MYBPH: variants seen among roughly 807,000 people sequenced by gnomAD.
The protein encoded by MYBPH is myosin binding protein H, also known as myosin-binding protein H.
Under a neutral mutation model 53.6 loss-of-function variants are expected in MYBPH, and 49 were observed. The observed-to-expected ratio is 0.91, with a 90% CI of 0.73 to 1.16. MYBPH has a LOEUF of 1.16. MYBPH is among the 50% of genes most tolerant of loss of function. The pLI is 0.00. For missense variants in MYBPH, 558 were observed against 624.1 expected (o/e 0.89, Z 1.13); for synonymous variants, 239 against 249.6 (o/e 0.96, Z 0.40).
chr1:203,170,857 G>A (rs1004782664), intron 6 of MYBPH, among the ~76,000 whole-genome samples: 16 of 152,184 alleles, frequency 1.1e-4, no homozygotes, highest in African/African-American at 2.7e-4. Flanking sequence ...CAGACAGCCC[G>A]GGCCAGCCCT....
In MYBPH at chr1:203,171,034, A is replaced by C; in HGVS notation, c.933+27T>G. 1 of 1,556,896 alleles carries C rather than the reference A, an allele frequency of 6.4e-7. No homozygotes were observed. Among genetic ancestry groups the C allele is most frequent in the Non-Finnish European group, 8.7e-7 (1 of 1,153,196 alleles). On this transcript the variant is annotated intron_variant, in intron 6 of 10. Coordinates refer to ENST00000255416, the MANE Select transcript of MYBPH (RefSeq NM_004997.3). The surrounding 1 kb of genome is among the most constrained non-coding windows in gnomAD (Gnocchi z 4.2). Reference sequence around the variant, plus strand: ...ACCACCTTGACCACTTCGTACCCCGACCCCACTTTGCCTCAGCCAGCCTCA... The same window carrying C: ...ACCACCTTGACCACTTCGTACCCCGCCCCCACTTTGCCTCAGCCAGCCTCA...
At position 203,168,992 on chromosome 1, in the gene MYBPH, G is replaced by T; in HGVS notation, c.1331C>A (p.Pro444His). The T allele has an allele frequency of 6.2e-7, 1 of 1,613,956 alleles. No individual in the cohort carries two copies. The highest frequency in any genetic ancestry group is 8.5e-7 in the Non-Finnish European group (1 of 1,180,020). Reference sequence around the variant, plus strand: ...GTAGACCCCAGAATCAAAGGGGCTGGGTTTCCGGATCTCTAGGGTGCAGAC... The same window carrying T: ...GTAGACCCCAGAATCAAAGGGGCTGTGTTTCCGGATCTCTAGGGTGCAGAC... ...QGVCTLEIRK[P>H]SPFDSGVYTC... The change falls in exon 9 of 11, where the codon CCC (proline) becomes CAC (histidine). Residue 444 changes from proline (P) to histidine (H), a missense_variant. Coordinates refer to ENST00000255416, the MANE Select transcript of MYBPH (RefSeq NM_004997.3).
intron 3 of MYBPH, among the ~76,000 whole-genome samples, chr1:203,173,847 T>A (rs556396841): frequency 6.6e-6 from 1 of 152,172 alleles, no homozygotes; most frequent in African/African-American, 2.4e-5. Context: ...GAGGGGAGGA[T>A]TGAGGCTAAT....
Position 203,171,554 on chromosome 1 carries a change from A to G in MYBPH, c.622T>C (p.Trp208Arg). Residue 208 changes from tryptophan (W) to arginine (R), a missense_variant, in exon 5 of 11, where the codon TGG (tryptophan) becomes CGG (arginine). Coordinates refer to ENST00000255416, the MANE Select transcript of MYBPH (RefSeq NM_004997.3). This position sits in a 1 kb window ranked among gnomAD's most constrained non-coding sequence, Gnocchi z 4.2. ...FQGKPKPQAT[W>R]THNGHALDSQ... ...TCCAGGGCATGGCCGTTGTGGGTCCATGTGGCCTGAGGCTTAGGCTTCCCC... is the reference window on the plus strand; with the variant it reads ...TCCAGGGCATGGCCGTTGTGGGTCCGTGTGGCCTGAGGCTTAGGCTTCCCC... The G allele has an allele frequency of 6.2e-7, 1 of 1,612,984 alleles. No individual in the cohort carries two copies.
rs1348370024 is a variant in MYBPH at position 203,171,437 on chromosome 1, T to C, written c.739A>G (p.Thr247Ala). The C allele has an allele frequency of 6.2e-7, 1 of 1,613,792 alleles. No individual in the cohort carries two copies. The highest frequency in any genetic ancestry group is 1.1e-5 in the South Asian group (1 of 91,084). Reference sequence around the variant, plus strand: ...GCCTCCAGGTCTTCCACGCGCACAGTGAGCTCGTAGCGGCCAGAGTCGGAG... The same window carrying C: ...GCCTCCAGGTCTTCCACGCGCACAGCGAGCTCGTAGCGGCCAGAGTCGGAG... ...QRSDSGRYEL[T>A]VRVEDLEAKA... Residue 247 changes from threonine (T) to alanine (A), a missense_variant, in exon 5 of 11, where the codon ACT becomes GCT. Thr to Ala is a moderately conservative substitution (Grantham distance 58, BLOSUM62 0). Transcript: ENST00000255416. This position sits in a 1 kb window ranked among gnomAD's most constrained non-coding sequence, Gnocchi z 4.2.
At chr1:203,172,130 TGCTGGCTGGGAGGAGGGTCCTGGGTGTG>T in intron 3 of MYBPH, 90 bp from the exon 4 acceptor site, 1 of 796,578 alleles carries the variant, frequency 1.3e-6, no homozygotes, top group Non-Finnish European at 1.7e-6. Context: ...TGGTGAGGGA[TGCTGGCTGGGAGGAGGGTCCTGGGTGTG>T]CCTGGCTGCC....
chr1:203,176,330 A>G (rs1362652501), upstream of MYBPH, among the ~76,000 whole-genome samples: 2 of 152,074 alleles, frequency 1.3e-5, no homozygotes, highest in Non-Finnish European at 2.9e-5. Flanking sequence ...TATGAGGCTG[A>G]GGGCCCTAGA....
intron 2 of MYBPH, 36 bp from the exon 3 acceptor site, chr1:203,174,633 G>A (rs1185249144): frequency 4.0e-6 from 6 of 1,515,660 alleles, no homozygotes; most frequent in Non-Finnish European, 5.4e-6. Context: ...TCTTTGCAAT[G>A]TGGCCACAGG....
At chr1:203,173,961 A>G (rs1655750607) in intron 3 of MYBPH, among the ~76,000 whole-genome samples, 1 of 152,232 alleles carries the variant, frequency 6.6e-6, no homozygotes, top group Non-Finnish European at 1.5e-5. Context: ...GGCCTTTTGC[A>G]GACCTTCTTT....
At position 203,175,719 on chromosome 1, in the gene MYBPH, T is replaced by C; in HGVS notation, c.37A>G (p.Ser13Gly). Residue 13 changes from serine to glycine, a missense_variant, in exon 1 of 11, where the codon AGT (serine) becomes GGT (glycine). By Grantham distance (56) the Ser-to-Gly change is moderately conservative. Transcript: ENST00000255416. ...EKNTSEGPAC[S>G]PEETASESAK... ...GATTCAGATGCGGTCTCCTCTGGACTGCAGGCAGGGCCCTCGGAGGTGTTT... is the reference window on the plus strand; with the variant it reads ...GATTCAGATGCGGTCTCCTCTGGACCGCAGGCAGGGCCCTCGGAGGTGTTT... The C allele has an allele frequency of 6.2e-7, 1 of 1,614,052 alleles. No individual in the cohort carries two copies. Among genetic ancestry groups the C allele is most frequent in the Non-Finnish European group, 8.5e-7 (1 of 1,179,990 alleles).
At chr1:203,179,169 T>C (rs567550831), upstream of MYBPH, 143 of 294,324 alleles carry the variant, frequency 4.9e-4, no homozygotes, top group African/African-American at 3.0e-3. Context: ...CTTGCCAGGC[T>C]TGGGGATCTG....
At position 203,174,365 on chromosome 1, in the gene MYBPH, C is replaced by G; in HGVS notation, c.508+65G>C. Reference sequence around the variant, plus strand: ...CCTGGTTCCCTCTACCTGCTGGCCTCAGTTTCTCCATTAGATAAGGTGTTT... The same window carrying G: ...CCTGGTTCCCTCTACCTGCTGGCCTGAGTTTCTCCATTAGATAAGGTGTTT... On this transcript the variant is annotated intron_variant, in intron 3 of 10. Transcript: ENST00000255416. 2.7e-6 allele frequency: 4 copies of G among 1,496,694 alleles called. No individual in the cohort carries two copies. The South Asian group carries it at 5.4e-5, about 20-fold the overall frequency. 92.7% of individuals were successfully genotyped at this position (1,496,694 alleles called of 1,614,324 possible). A position where few individuals can be genotyped will look rare whatever the true frequency, so the allele number is the denominator to read the frequency against.
In MYBPH at chr1:203,173,339, A is replaced by G. The variant is rs1364047348; in HGVS notation, c.508+1091T>C. On this transcript the variant is annotated intron_variant, in intron 3 of 10. Coordinates refer to ENST00000255416, the MANE Select transcript of MYBPH (RefSeq NM_004997.3). ...TGCCTGGTGGGGCCACATCTCACCT[A>G]GAGCCAAAGGCTGGGAATTAGGGTT... Among the ~76,000 whole-genome samples, 7 of 152,318 alleles carry G rather than the reference A, an allele frequency of 4.6e-5. 1 individual carries two copies. Among genetic ancestry groups the G allele is most frequent in the African/African-American group, 1.7e-4 (7 of 41,574 alleles).
In MYBPH at chr1:203,168,623, T is replaced by C. The variant is rs1655629964; in HGVS notation, c.*32+4A>G. On this transcript the variant is annotated splice_donor_region_variant and intron_variant, in intron 10 of 10. Transcript: ENST00000255416. The stretch of plus-strand genomic sequence containing the variant: ...TAACAGAGTGGGTGGGTCAGGCCAT[T>C]TACCTGGCTCCTCATCACAGCCTCC... 1 of 1,548,592 alleles carries C rather than the reference T, an allele frequency of 6.5e-7. No homozygotes were observed.
In MYBPH at chr1:203,175,406, C is replaced by A. The variant is rs200640888; in HGVS notation, c.261G>T (p.Val87=). Reference sequence around the variant, plus strand: ...TCTCTGGGGGCTCCCAGCTCACAGTCACAGAGCTGCTGCTCACATCATCCA... The same window carrying A: ...TCTCTGGGGGCTCCCAGCTCACAGTAACAGAGCTGCTGCTCACATCATCCA... ...LTLDDVSSSS[V]TVSWEPPERL... is the part of the protein sequence containing the mutation. The change falls in exon 2 of 11, where the codon GTG becomes GTT. Residue 87 remains valine, a synonymous_variant. Transcript: ENST00000255416. The A allele has an allele frequency of 6.1e-5, 95 of 1,547,858 alleles. No individual in the cohort carries two copies. The highest frequency in any genetic ancestry group is 8.1e-5 in the Non-Finnish European group (93 of 1,147,592).
At position 203,175,796 on chromosome 1, in the gene MYBPH, T is replaced by C. The variant is rs1655798059; in HGVS notation, c.-41A>G. Reference sequence around the variant, plus strand: ...GGGGCCAGGGTGGAGTGTGCAGGGGTCAGCCGTTGGGGGGCCTGGGCCTCT... The same window carrying C: ...GGGGCCAGGGTGGAGTGTGCAGGGGCCAGCCGTTGGGGGGCCTGGGCCTCT... On this transcript the variant is annotated 5_prime_UTR_variant, in exon 1 of 11. Transcript: ENST00000255416. The C allele has an allele frequency of 2.5e-6, 4 of 1,605,038 alleles. No homozygotes were observed. The South Asian group carries it at 4.4e-5, about 18-fold the overall frequency.
In MYBPH at chr1:203,175,738, G is replaced by C. The variant is rs76101141; in HGVS notation, c.18C>G (p.Thr6=). The change falls in exon 1 of 11, where the codon ACC becomes ACG. Residue 6 remains threonine (T), a synonymous_variant. Transcript: ENST00000255416. The part of the protein sequence containing the change: MMEKN[T]SEGPACSPEE... Reference sequence around the variant, plus strand: ...CTGGACTGCAGGCAGGGCCCTCGGAGGTGTTTTTTTCCATCATTGCTGGAC... The same window carrying C: ...CTGGACTGCAGGCAGGGCCCTCGGACGTGTTTTTTTCCATCATTGCTGGAC... 6.4e-4 allele frequency: 1,040 copies of C among 1,613,982 alleles called. No individual in the cohort carries two copies. The highest frequency in any genetic ancestry group is 8.0e-4 in the Non-Finnish European group (941 of 1,179,984).
chr1:203,169,621 A>G (rs559797656), intron 7 of MYBPH, among the ~76,000 whole-genome samples: 1 of 152,320 alleles, frequency 6.6e-6, no homozygotes, highest in African/African-American at 2.4e-5. Context: ...CAGAAGATGG[A>G]TGCTAGCAAC....
In MYBPH at chr1:203,174,587, C is replaced by G. The variant is rs770551035; in HGVS notation, c.351G>C (p.Trp117Cys). ...TCATGGGCCGGGCACTCACAGGCACCCACTCCGAGGCTGAGGGGATGGAGA... is the reference window on the plus strand; with the variant it reads ...TCATGGGCCGGGCACTCACAGGCACGCACTCCGAGGCTGAGGGGATGGAGA... ...LELCREGASE[W>C]VPVSARPMMV... Residue 117 changes from tryptophan to cysteine, a missense_variant, in exon 3 of 11, where the codon TGG becomes TGC. Coordinates refer to ENST00000255416, the MANE Select transcript of MYBPH (RefSeq NM_004997.3). 1 of 1,602,340 alleles carries G rather than the reference C, an allele frequency of 6.2e-7. No individual in the cohort carries two copies. Among genetic ancestry groups the G allele is most frequent in the Non-Finnish European group, 8.5e-7 (1 of 1,170,752 alleles).
Sources: allele counts gnomAD v4.1 joint callset (sites outside exome capture counted in the v4.1 genomes callset), GRCh38; gene constraint gnomAD v4.1.1; non-coding constraint Gnocchi (gnomAD v3.1); transcripts MANE v1.5; gene names NCBI Gene and HGNC (gene_info 2026-07-23, HGNC 2026-07-21).